Variants in TSHZ3 observed in about 807,000 individuals in gnomAD.
TSHZ3 encodes teashirt zinc finger homeobox 3.
Under a neutral mutation model 64.5 loss-of-function variants are expected in TSHZ3, and 10 were observed. The ratio of observed to expected loss-of-function variants is 0.16; its 90% confidence interval spans 0.10 to 0.26. The LOEUF (loss-of-function observed/expected upper bound fraction) is 0.26, where lower values mean the gene tolerates loss of function less well. Among genes scored for constraint, TSHZ3 ranks in the 10% least tolerant of loss-of-function variants. TSHZ3 has a pLI of 1.00. For synonymous variants in TSHZ3, 608 were observed against 593.1 expected, an observed-to-expected ratio of 1.03 and a Z score of -0.36; for missense variants, 1,242 against 1,421.7, an observed-to-expected ratio of 0.87 and a Z score of 2.03.
chr19:31,349,679 G>A (rs1033109260), upstream of TSHZ3: 6 of 151,202 alleles, frequency 4.0e-5, no homozygotes, highest in African/African-American at 1.2e-4. Context: ...CGGGCAGAGC[G>A]GTGGGAGGAG....
chr19:31,316,593 C>T (rs1020869704), intron 1 of TSHZ3, among the ~76,000 whole-genome samples: 11 of 152,118 alleles, frequency 7.2e-5, no homozygotes, highest in Non-Finnish European at 1.0e-4. Flanking sequence ...GTGCTATTTG[C>T]GGCAGCCGCT....
At chr19:31,177,815 AG>A (rs1291107833) in intron 5 of TSHZ3, among the ~76,000 whole-genome samples, 3 of 152,336 alleles carry the variant, frequency 2.0e-5, no homozygotes, top group Middle Eastern at 3.4e-3. Flanking sequence ...CCCAAGGACA[AG>A]GTGCTATCAT....
At chr19:31,335,996 C>T (rs1917232086) in intron 1 of TSHZ3, among the ~76,000 whole-genome samples, 2 of 152,192 alleles carry the variant, frequency 1.3e-5, no homozygotes, top group African/African-American at 4.8e-5. Flanking sequence ...AACGGTGTCC[C>T]AGCTCAAAAA....
intron 1 of TSHZ3, among the ~76,000 whole-genome samples, chr19:31,265,131 T>C (rs570211548): frequency 6.6e-6 from 1 of 151,870 alleles, no homozygotes; most frequent in Non-Finnish European, 1.5e-5. Flanking sequence ...GTGCAGTGGA[T>C]CATGCCTGTA....
chr19:31,344,941 G>A (rs369652510), intron 1 of TSHZ3, among the ~76,000 whole-genome samples: 6 of 152,304 alleles, frequency 3.9e-5, no homozygotes, highest in Admixed American at 6.5e-5. Flanking sequence ...TTATGAGCGC[G>A]CTCAAGGCAA....
intron 1 of TSHZ3, among the ~76,000 whole-genome samples, chr19:31,342,190 T>C (rs1010983370): frequency 1.3e-5 from 2 of 152,234 alleles, no homozygotes; most frequent in Non-Finnish European, 2.9e-5. Context: ...GGATACATAA[T>C]GCATTAGAGG....
In TSHZ3 at chr19:31,214,877, C is replaced by T. The variant is rs58291321; in HGVS notation, n.687-9799G>A. ...GAGCGGAGATCCGGTCACTGCACTC[C>T]AGTCTGGGCGACAGAGCGAGACTCT... On this transcript the variant is annotated intron_variant and non_coding_transcript_variant, in intron 4 of 6. Transcript: ENST00000651361. Among the ~76,000 whole-genome samples the T allele has an allele frequency of 3.5e-3, 502 of 141,842 alleles. 2 individuals are homozygous for T. Among genetic ancestry groups the T allele is most frequent in the African/African-American group, 0.013 (477 of 37,456 alleles). The allele number at this position is 141,842 out of a possible 152,430, so 93.1% of individuals were successfully genotyped here.
intron 5 of TSHZ3, among the ~76,000 whole-genome samples, chr19:31,180,259 G>T (rs1974692051): frequency 6.6e-6 from 1 of 152,156 alleles, no homozygotes; most frequent in Non-Finnish European, 1.5e-5. Flanking sequence ...ACGAATGAAT[G>T]AATGAATGAA....
chr19:31,236,086 G>C (rs1286570533), intron 3 of TSHZ3, among the ~76,000 whole-genome samples: 1 of 152,102 alleles, frequency 6.6e-6, no homozygotes, highest in Non-Finnish European at 1.5e-5. Context: ...TGCTACATGG[G>C]GGTGCAGATA....
intron 1 of TSHZ3, among the ~76,000 whole-genome samples, chr19:31,310,175 C>T (rs962015883): frequency 2.0e-5 from 3 of 152,154 alleles, no homozygotes; most frequent in South Asian, 2.1e-4. Context: ...AGCCTCCACT[C>T]GGTGTCTCAA....
chr19:31,324,567 G>A (rs1916878914), intron 1 of TSHZ3, among the ~76,000 whole-genome samples: 1 of 152,234 alleles, frequency 6.6e-6, no homozygotes, highest in Non-Finnish European at 1.5e-5. Context: ...AATGGGAAGT[G>A]ACTTACCACT....
chr19:31,277,613 G>A lies in TSHZ3; in HGVS notation c.2180C>T (p.Ser727Leu), dbSNP rs926898510. 4.4e-5 allele frequency: 70 copies of A among 1,583,356 alleles called. No homozygotes were observed. Among genetic ancestry groups the A allele is most frequent in the Non-Finnish European group, 5.8e-5 (67 of 1,164,790 alleles). Residue 727 changes from serine to leucine, a missense_variant, in exon 2 of 2, where the codon TCA becomes TTA. This residue lies in a region of TSHZ3 where 550 missense variants were observed against 545.1 expected (regional missense o/e 1.01). Coordinates refer to ENST00000240587, the MANE Select transcript of TSHZ3 (RefSeq NM_020856.4). This position sits in a 1 kb window ranked among gnomAD's most constrained non-coding sequence, Gnocchi z 4.5. ...CTTGCCCAGGTGAATGTTCATGACT[G>A]ACTGCAGGGCGCTCAAAGGGTTAAC... ...PFVNPLSALQ[S>L]VMNIHLGKAA...
intron 5 of TSHZ3, among the ~76,000 whole-genome samples, chr19:31,197,432 G>T (rs1386100164): frequency 6.7e-6 from 1 of 149,826 alleles, no homozygotes; most frequent in Non-Finnish European, 1.5e-5. Context: ...ATTAAGTCTG[G>T]AATAAGGAGA....
At chr19:31,306,311 C>T (rs1450948382) in intron 1 of TSHZ3, among the ~76,000 whole-genome samples, 1 of 152,188 alleles carries the variant, frequency 6.6e-6, no homozygotes, top group Non-Finnish European at 1.5e-5. Flanking sequence ...GACTTCACTA[C>T]CAAATTTCCT....
Position 31,278,117 on chromosome 19 carries a change from A to C in TSHZ3, c.1676T>G (p.Met559Arg), listed in dbSNP as rs529541184. Reference sequence around the variant, plus strand: ...CGACGAGCCCAGGGACAACTTCATCATGTTGGGAAGTTGGTAGGCGGCATG... The same window carrying C: ...CGACGAGCCCAGGGACAACTTCATCCTGTTGGGAAGTTGGTAGGCGGCATG... Reference protein sequence around the residue: ...SIHAAYQLPNMMKLSLGSSGK... With the variant: ...SIHAAYQLPNRMKLSLGSSGK... Residue 559 changes from methionine to arginine, a missense_variant, in exon 2 of 2, where the codon ATG becomes AGG. Coordinates refer to ENST00000240587, the MANE Select transcript of TSHZ3 (RefSeq NM_020856.4). This position sits in a 1 kb window ranked among gnomAD's most constrained non-coding sequence, Gnocchi z 4.7. 6.2e-7 allele frequency: 1 copy of C among 1,613,772 alleles called. No homozygotes were observed. The highest frequency in any genetic ancestry group is 2.2e-5 in the East Asian group (1 of 44,828).
chr19:31,158,586 G>A (rs1396818417), intron 5 of TSHZ3, among the ~76,000 whole-genome samples: 1 of 152,072 alleles, frequency 6.6e-6, no homozygotes, highest in Admixed American at 6.5e-5. Flanking sequence ...CCAGAGTTGG[G>A]GATGGTTTCA....
At chr19:31,290,797 G>A (rs949580280) in intron 1 of TSHZ3, among the ~76,000 whole-genome samples, 3 of 152,160 alleles carry the variant, frequency 2.0e-5, no homozygotes, top group Admixed American at 6.5e-5. Flanking sequence ...GTTTGGCTCT[G>A]GGGGAAGGAA....
intron 5 of TSHZ3, among the ~76,000 whole-genome samples, chr19:31,163,043 C>A (rs763632554): frequency 6.6e-6 from 1 of 152,102 alleles, no homozygotes; most frequent in African/African-American, 2.4e-5. Context: ...CAATTGACAC[C>A]CAAGCCTTGG....
intron 5 of TSHZ3, among the ~76,000 whole-genome samples, chr19:31,170,681 C>A (rs1473973345): frequency 3.2e-4 from 49 of 152,202 alleles, no homozygotes. Context: ...AAGTAACCTA[C>A]AAAACACCTG....
Sources: gnomAD v4.1 joint callset for allele counts (sites outside exome capture counted in the v4.1 genomes callset) on GRCh38, gnomAD v4.1.1 for gene constraint, gnomAD v4.1.1 regional missense constraint, Gnocchi (gnomAD v3.1) non-coding constraint, MANE v1.5 for transcripts, NCBI Gene and HGNC (gene_info 2026-07-23, HGNC 2026-07-21) for gene names.